Variants in SH3GL3 observed in about 807,000 individuals in gnomAD.
SH3GL3 encodes the protein endophilin-A3.
Under a neutral mutation model 47.7 loss-of-function variants are expected in SH3GL3, and 33 were observed. The ratio of observed to expected loss-of-function variants is 0.69; its 90% confidence interval spans 0.52 to 0.92. The LOEUF (loss-of-function observed/expected upper bound fraction) is 0.92, where lower values mean the gene tolerates loss of function less well. Among genes scored for constraint, SH3GL3 ranks in the 40% least tolerant of loss-of-function variants. The pLI, the probability that SH3GL3 is intolerant of heterozygous loss-of-function variation, is 0.00. For synonymous variants in SH3GL3, 155 were observed against 148.8 expected, an observed-to-expected ratio of 1.04 and a Z score of -0.30; for missense variants, 363 against 417.8, an observed-to-expected ratio of 0.87 and a Z score of 1.14.
At chr15:83,547,339 C>G (rs927543068) in intron 1 of SH3GL3, among the ~76,000 whole-genome samples, 1 of 152,196 alleles carries the variant, frequency 6.6e-6, no homozygotes, top group Non-Finnish European at 1.5e-5. Context: ...TTGCTTTCCA[C>G]TGTGACAGGG....
intron 8 of SH3GL3, among the ~76,000 whole-genome samples, chr15:83,591,917 C>T (rs771083379): frequency 1.2e-4 from 18 of 151,538 alleles, no homozygotes; most frequent in Non-Finnish European, 2.1e-4. Flanking sequence ...TTGTGATCCG[C>T]CCGCCTTGGC....
At chr15:83,524,305 C>G (rs2043328838) in intron 1 of SH3GL3, among the ~76,000 whole-genome samples, 1 of 152,160 alleles carries the variant, frequency 6.6e-6, no homozygotes, top group East Asian at 1.9e-4. Context: ...ATGAAGGATG[C>G]ATCTTCTCAT....
At chr15:83,511,280 C>G (rs1030742370) in intron 1 of SH3GL3, among the ~76,000 whole-genome samples, 2 of 152,154 alleles carry the variant, frequency 1.3e-5, no homozygotes, top group African/African-American at 4.8e-5. Flanking sequence ...ACCTGCAGGA[C>G]TACAGGCAGA....
At chr15:83,607,610 T>G (rs1371763650) in intron 8 of SH3GL3, among the ~76,000 whole-genome samples, 1 of 152,132 alleles carries the variant, frequency 6.6e-6, no homozygotes, top group Non-Finnish European at 1.5e-5. Context: ...TGCCTGAGAA[T>G]GTGAGCCCAT....
chr15:83,609,303 G>A (rs1429514444), intron 8 of SH3GL3: 2 of 455,996 alleles, frequency 4.4e-6, no homozygotes, highest in Non-Finnish European at 8.8e-6. Flanking sequence ...GATTAGGAAG[G>A]CCCAAGGGAC....
intron 8 of SH3GL3, among the ~76,000 whole-genome samples, chr15:83,595,041 C>T (rs535421663): frequency 6.6e-6 from 1 of 152,212 alleles, no homozygotes; most frequent in African/African-American, 2.4e-5. Context: ...ACCATAAAGA[C>T]ACATACACGT....
At chr15:83,629,955 T>C in the SH3GL3 span, among the ~76,000 whole-genome samples, 2 of 152,236 alleles carry the variant, frequency 1.3e-5, no homozygotes, top group African/African-American at 4.8e-5. Context: ...GTAGCTCCCA[T>C]AATTTCCATA....
At chr15:83,585,055 G>C (rs2151799857) in intron 6 of SH3GL3, among the ~76,000 whole-genome samples, 1 of 152,312 alleles carries the variant, frequency 6.6e-6, no homozygotes, top group Non-Finnish European at 1.5e-5. Context: ...CTGGGGGACA[G>C]CTGGAAGCTT....
intron 1 of SH3GL3, among the ~76,000 whole-genome samples, chr15:83,497,487 C>G (rs985487494): frequency 6.6e-6 from 1 of 152,180 alleles, no homozygotes; most frequent in South Asian, 2.1e-4. Context: ...CCCCTGACCC[C>G]TTCTTCCAAA....
At chr15:83,604,406 G>A (rs2060464427) in intron 8 of SH3GL3, among the ~76,000 whole-genome samples, 1 of 152,114 alleles carries the variant, frequency 6.6e-6, no homozygotes, top group Non-Finnish European at 1.5e-5. Flanking sequence ...ACTTTCCTTT[G>A]ATTTGAGCTC....
At chr15:83,562,524 C>T (rs2045339922) in intron 2 of SH3GL3, among the ~76,000 whole-genome samples, 1 of 152,040 alleles carries the variant, frequency 6.6e-6, no homozygotes, top group Admixed American at 6.6e-5. Context: ...AATCTAAAAT[C>T]CTCATTTTTC....
At chr15:83,456,679 C>T (rs1376476531) in intron 1 of SH3GL3, among the ~76,000 whole-genome samples, 6 of 144,294 alleles carry the variant, frequency 4.2e-5, no homozygotes, top group African/African-American at 7.7e-5. Context: ...GCGCACGGTG[C>T]GCACACACAC....
chr15:83,543,803 T>TA (rs2151706928), intron 1 of SH3GL3, among the ~76,000 whole-genome samples: 1 of 152,302 alleles, frequency 6.6e-6, no homozygotes, highest in African/African-American at 2.4e-5. Flanking sequence ...TTTATTGACA[T>TA]ATTGTTGCTC....
In SH3GL3 at chr15:83,559,450, T is replaced by C. The variant is rs2045140309; in HGVS notation, c.114+129T>C. The stretch of plus-strand genomic sequence containing the variant: ...AAATATAGGTGTGGATTATGCAATC[T>C]ACAAGGCAGTACTTTCCCACGTCCC... On this transcript the variant is annotated intron_variant, in intron 2 of 8. Transcript: ENST00000427482. 1.3e-5 allele frequency: 8 copies of C among 617,830 alleles called. No individual in the cohort carries two copies. The South Asian group carries it at 1.5e-4, about 11-fold the overall frequency. The allele number at this position is 617,830 out of a possible 1,614,324, so 38.3% of individuals were successfully genotyped here.
chr15:83,565,932 C>T (rs372330401), intron 3 of SH3GL3: 2 of 152,170 alleles, frequency 1.3e-5, no homozygotes, highest in South Asian at 4.1e-4. Flanking sequence ...TAAATTTTAT[C>T]AGGTGTATCC....
intron 8 of SH3GL3, among the ~76,000 whole-genome samples, chr15:83,613,857 T>C (rs1484415453): frequency 6.6e-6 from 1 of 152,158 alleles, no homozygotes; most frequent in Non-Finnish European, 1.5e-5. Context: ...GAGGCATTGA[T>C]GGCTTCTCTT....
intron 1 of SH3GL3, among the ~76,000 whole-genome samples, chr15:83,558,710 C>T (rs2045090261): frequency 6.6e-6 from 1 of 152,156 alleles, no homozygotes; most frequent in Non-Finnish European, 1.5e-5. Context: ...AAGGCCTTTC[C>T]TTCAGTGCCG....
intron 4 of SH3GL3, among the ~76,000 whole-genome samples, chr15:83,569,125 G>A (rs2151763301): frequency 6.6e-6 from 1 of 152,248 alleles, no homozygotes; most frequent in East Asian, 1.9e-4. Flanking sequence ...TTGAACTCCT[G>A]ACCTCAAGTG....
intron 1 of SH3GL3, among the ~76,000 whole-genome samples, chr15:83,453,405 T>A (rs1457027752): frequency 3.2e-5 from 3 of 94,006 alleles, no homozygotes; most frequent in African/African-American, 1.2e-4. Flanking sequence ...CTTGTACCTC[T>A]GGTAGAATTC....
Sources: gnomAD v4.1 joint callset for allele counts (sites outside exome capture counted in the v4.1 genomes callset) on GRCh38, gnomAD v4.1.1 for gene constraint, MANE v1.5 for transcripts, NCBI Gene and HGNC (gene_info 2026-07-23, HGNC 2026-07-21) for gene names.